The following ONECUT2 variants were observed in gnomAD, a reference collection of about 807,000 sequenced individuals.
ONECUT2 encodes one cut domain family member 2.
A neutral mutation model predicts 27.9 loss-of-function variants in ONECUT2; 10 were observed. The ratio of observed to expected loss-of-function variants is 0.36; its 90% CI spans 0.22 to 0.61. ONECUT2 has a LOEUF of 0.61. Ranked by LOEUF, ONECUT2 falls within the 20% of genes least tolerant of loss-of-function variation. The pLI is 0.73. For missense variants in ONECUT2, 686 were observed against 721.0 expected (o/e 0.95, Z 0.56); for synonymous variants, 334 against 315.1 (o/e 1.06, Z -0.64).
At position 57,435,998 on chromosome 18, in the gene ONECUT2, G is replaced by C. The variant is rs757724747; in HGVS notation, c.282G>C (p.Ala94=). The C allele has an allele frequency of 2.9e-5, 43 of 1,487,420 alleles. No homozygotes were observed. The highest frequency in any genetic ancestry group is 3.8e-5 in the Non-Finnish European group (43 of 1,121,916). The allele number at this position is 1,487,420 out of a possible 1,614,324, so 92.1% of individuals were successfully genotyped here. A position where few individuals can be genotyped will look rare whatever the true frequency, so the allele number is the denominator to read the frequency against. Residue 94 remains alanine, a synonymous_variant, in exon 1 of 2, where the codon GCG becomes GCC. Transcript: ENST00000491143. The part of the protein sequence containing the change: ...PPTAHQELGT[A]AAAAAAASRS... Reference sequence around the variant, plus strand: ...CCGCGCACCAGGAGCTGGGCACGGCGGCAGCGGCGGCAGCGGCGGCGTCGC... The same window carrying C: ...CCGCGCACCAGGAGCTGGGCACGGCCGCAGCGGCGGCAGCGGCGGCGTCGC...
rs1260669408 is a variant in ONECUT2 at position 57,479,766 on chromosome 18, A to AT, written c.*3047dup. Reference sequence around the variant, plus strand: ...AACTGTTGGGAAGGCTCGGTGGTCCATTTTCACCAGTTAAAGAATATGAGG... The same window carrying AT: ...AACTGTTGGGAAGGCTCGGTGGTCCATTTTTCACCAGTTAAAGAATATGAGG... On this transcript the variant is annotated 3_prime_UTR_variant, in exon 2 of 2. Transcript: ENST00000491143. 1 of 151,920 alleles carries AT rather than the reference A, an allele frequency of 6.6e-6. No individual in the cohort carries two copies. Among genetic ancestry groups the AT allele is most frequent in the East Asian group, 1.9e-4 (1 of 5,158 alleles). 9.4% of individuals were successfully genotyped at this position (151,920 alleles called of 1,614,324 possible).
rs78901396 is a variant in ONECUT2, at chr18:57,464,642, T to C, written c.1229-11795T>C. ...ATATTATTCACATAAAGATGAAAAG[T>C]AATAACGAAACAATTTGTTTTTAAA... On this transcript the variant is annotated intron_variant, in intron 1 of 1. Coordinates refer to ENST00000491143, the MANE Select transcript of ONECUT2 (RefSeq NM_004852.3). Among the ~76,000 whole-genome samples the C allele has an allele frequency of 3.6e-3, 550 of 152,340 alleles. 2 individuals are homozygous for C. Among genetic ancestry groups the C allele is most frequent in the East Asian group, 0.021 (110 of 5,192 alleles).
chr18:57,474,527 G>A (rs1195701277), intron 1 of ONECUT2, among the ~76,000 whole-genome samples: 1 of 152,178 alleles, frequency 6.6e-6, no homozygotes. Flanking sequence ...GGTTCACAGA[G>A]AAGACTTTCT....
rs1374870097 is a variant in ONECUT2, at chr18:57,484,544, T to C, written c.*7821T>C. On this transcript the variant is annotated 3_prime_UTR_variant, in exon 2 of 2. Transcript: ENST00000491143. ...GAGTTCAGATGCTGCTGTAATTGGATTCCTTAAATTCTGATTACAAATTGA... is the reference window on the plus strand; with the variant it reads ...GAGTTCAGATGCTGCTGTAATTGGACTCCTTAAATTCTGATTACAAATTGA... 8 of 152,646 alleles carry C rather than the reference T, an allele frequency of 5.2e-5. No individual in the cohort carries two copies. The South Asian group carries it at 1.4e-3, about 28-fold the overall frequency. The allele number at this position is 152,646 out of a possible 1,614,324, so 9.5% of individuals were successfully genotyped here.
Position 57,476,904 on chromosome 18 carries a change from T to G in ONECUT2, c.*181T>G. ...AATCATAGGCCAGGTGTTCTTCTTT[T>G]GTTTTTAATGGCTATGGAGTCCAAG... On this transcript the variant is annotated 3_prime_UTR_variant, in exon 2 of 2. Coordinates refer to ENST00000491143, the MANE Select transcript of ONECUT2 (RefSeq NM_004852.3). The G allele has an allele frequency of 1.4e-6, 1 of 701,288 alleles. No individual in the cohort carries two copies. Among genetic ancestry groups the G allele is most frequent in the Non-Finnish European group, 2.3e-6 (1 of 431,298 alleles). 43.4% of individuals were successfully genotyped at this position (701,288 alleles called of 1,614,324 possible). A position where few individuals can be genotyped will look rare whatever the true frequency, so the allele number is the denominator to read the frequency against.
At chr18:57,443,299 A>C (rs771659326) in intron 1 of ONECUT2, among the ~76,000 whole-genome samples, 1 of 152,124 alleles carries the variant, frequency 6.6e-6, no homozygotes, top group Non-Finnish European at 1.5e-5. Flanking sequence ...GTGAAGACAG[A>C]GGCACCCTAG....
chr18:57,475,159 C>T (rs763861961), intron 1 of ONECUT2, among the ~76,000 whole-genome samples: 4 of 149,182 alleles, frequency 2.7e-5, no homozygotes, highest in Middle Eastern at 3.6e-3. Context: ...TGGGTTCAAG[C>T]GATTCTCCTG....
rs187393001 is a variant in ONECUT2, at chr18:57,452,708, C to T, written c.1228+15764C>T. Among the ~76,000 whole-genome samples the T allele has an allele frequency of 8.5e-5, 13 of 152,276 alleles. No homozygotes were observed. In the East Asian group the frequency reaches 1.7e-3, roughly 20 times the overall value. On this transcript the variant is annotated intron_variant, in intron 1 of 1. Transcript: ENST00000491143. ...CCAAAGTGCTGGGATTACAGGCGTG[C>T]GCCACCACGCCTGGCCTCAACCTGT...
chr18:57,462,345 C>T (rs2050296648), intron 1 of ONECUT2, among the ~76,000 whole-genome samples: 1 of 152,170 alleles, frequency 6.6e-6, no homozygotes, highest in Non-Finnish European at 1.5e-5. Context: ...ATATCTGTGG[C>T]TCTCCTTTTT....
At chr18:57,465,822 T>C (rs2050318137) in intron 1 of ONECUT2, among the ~76,000 whole-genome samples, 1 of 152,250 alleles carries the variant, frequency 6.6e-6, no homozygotes, top group Non-Finnish European at 1.5e-5. Flanking sequence ...CTCTAAGCCC[T>C]ATACTAAATC....
At chr18:57,441,775 G>T (rs1169159227) in intron 1 of ONECUT2, among the ~76,000 whole-genome samples, 1 of 152,246 alleles carries the variant, frequency 6.6e-6, no homozygotes, top group African/African-American at 2.4e-5. Flanking sequence ...TACTAAAAAG[G>T]CTCACGCGCA....
rs1289875042 is a variant in ONECUT2, at chr18:57,487,282, C to T, written c.*10559C>T. 1.3e-5 allele frequency: 2 copies of T among 152,262 alleles called. No individual in the cohort carries two copies. Among genetic ancestry groups the T allele is most frequent in the Non-Finnish European group, 2.9e-5 (2 of 68,032 alleles). 9.4% of individuals were successfully genotyped at this position (152,262 alleles called of 1,614,324 possible). ...ATTCCACAAATTGGGATCCTCATAA[C>T]CCAAATATATCACCGTATGTGAGAG... On this transcript the variant is annotated 3_prime_UTR_variant, in exon 2 of 2. Coordinates refer to ENST00000491143, the MANE Select transcript of ONECUT2 (RefSeq NM_004852.3).
At chr18:57,446,886 T>A (rs1484480208) in intron 1 of ONECUT2, among the ~76,000 whole-genome samples, 1 of 152,044 alleles carries the variant, frequency 6.6e-6, no homozygotes, top group Admixed American at 6.5e-5. Flanking sequence ...GGAAAACGAA[T>A]GATTATGTGT....
chr18:57,437,581 C>T (rs1459881413), intron 1 of ONECUT2, among the ~76,000 whole-genome samples: 6 of 152,214 alleles, frequency 3.9e-5, no homozygotes, highest in Non-Finnish European at 8.8e-5. Context: ...CATCTCTGGC[C>T]TTGGCGTTGG....
chr18:57,469,033 T>C (rs1326735021), intron 1 of ONECUT2, among the ~76,000 whole-genome samples: 1 of 152,288 alleles, frequency 6.6e-6, no homozygotes, highest in African/African-American at 2.4e-5. Flanking sequence ...CTCAAACACC[T>C]GTAGGTTTCT....
At chr18:57,461,299 A>G (rs1486491583) in intron 1 of ONECUT2, among the ~76,000 whole-genome samples, 3 of 152,102 alleles carry the variant, frequency 2.0e-5, no homozygotes, top group Non-Finnish European at 4.4e-5. Flanking sequence ...TCATAACTCT[A>G]TAATATTCCA....
chr18:57,450,480 A>T (rs1342032753), intron 1 of ONECUT2, among the ~76,000 whole-genome samples: 2 of 152,212 alleles, frequency 1.3e-5, no homozygotes, highest in Non-Finnish European at 2.9e-5. Context: ...AACCTGAAAA[A>T]GGGGTATTGT....
chr18:57,446,339 T>C (rs1327333202), intron 1 of ONECUT2, among the ~76,000 whole-genome samples: 1 of 152,222 alleles, frequency 6.6e-6, no homozygotes, highest in African/African-American at 2.4e-5. Context: ...TTATGTTCTC[T>C]TCATTACTGT....
At chr18:57,464,063 G>T (rs1005527477) in intron 1 of ONECUT2, among the ~76,000 whole-genome samples, 1 of 151,230 alleles carries the variant, frequency 6.6e-6, no homozygotes, top group Non-Finnish European at 1.5e-5. Context: ...ACGCTGTTAA[G>T]TAAAAGAAGT....
Sources: gnomAD v4.1 joint callset for allele counts (sites outside exome capture counted in the v4.1 genomes callset) on GRCh38, gnomAD v4.1.1 for gene constraint, MANE v1.5 for transcripts, NCBI Gene and HGNC (gene_info 2026-07-23, HGNC 2026-07-21) for gene names.